The following TMEFF2 variants were observed in gnomAD, a reference collection of about 807,000 sequenced individuals.
TMEFF2 encodes the protein transmembrane protein with EGF like and two follistatin like domains 2.
TMEFF2 carries 28 observed loss-of-function variants against 53.8 expected under a neutral mutation model. The ratio of observed to expected loss-of-function variants is 0.52; its 90% confidence interval spans 0.39 to 0.71. The LOEUF (loss-of-function observed/expected upper bound fraction) is 0.71. Among genes scored for constraint, TMEFF2 ranks in the 30% least tolerant of loss-of-function variants. TMEFF2 has a pLI of 0.00. For missense variants in TMEFF2, 353 were observed against 455.2 expected, an observed-to-expected ratio of 0.78 and a Z score of 2.04; for synonymous variants, 162 against 166.3, an observed-to-expected ratio of 0.97 and a Z score of 0.20.
At chr2:192,102,003 A>G (rs1221127239) in intron 4 of TMEFF2, among the ~76,000 whole-genome samples, 1 of 152,216 alleles carries the variant, frequency 6.6e-6, no homozygotes, top group Non-Finnish European at 1.5e-5. Flanking sequence ...CATATAAAGC[A>G]TACAGCACAA....
chr2:191,981,084 T>A (rs944432078), intron 7 of TMEFF2, among the ~76,000 whole-genome samples: 4 of 152,010 alleles, frequency 2.6e-5, no homozygotes, highest in African/African-American at 7.2e-5. Flanking sequence ...TTTTTTTTTT[T>A]ATTTAATAAA....
chr2:192,104,361 G>C (rs1025592391), intron 4 of TMEFF2, among the ~76,000 whole-genome samples: 5 of 151,992 alleles, frequency 3.3e-5, no homozygotes, highest in South Asian at 2.1e-4. Flanking sequence ...TTTCCACTTA[G>C]GTTAGTTTTC....
chr2:191,949,872 T>A lies in TMEFF2; in HGVS notation c.*439A>T. 1 of 986,738 alleles carries A rather than the reference T, an allele frequency of 1.0e-6. No homozygotes were observed. Among genetic ancestry groups the A allele is most frequent in the Non-Finnish European group, 1.2e-6 (1 of 830,592 alleles). 61.1% of individuals were successfully genotyped at this position (986,738 alleles called of 1,614,324 possible). On this transcript the variant is annotated 3_prime_UTR_variant, in exon 10 of 10. Coordinates refer to ENST00000272771, the MANE Select transcript of TMEFF2 (RefSeq NM_016192.4). Reference sequence around the variant, plus strand: ...ACCATCATTTCCCTTGATCTTGGAATCATTCAAAACCTAGCCACTGAGTCC... The same window carrying A: ...ACCATCATTTCCCTTGATCTTGGAAACATTCAAAACCTAGCCACTGAGTCC...
At chr2:192,139,031 C>G (rs1574408334) in intron 4 of TMEFF2, among the ~76,000 whole-genome samples, 1 of 152,158 alleles carries the variant, frequency 6.6e-6, no homozygotes, top group East Asian at 1.9e-4. Context: ...CCAAGGAAAC[C>G]ATCATAGTTG....
intron 4 of TMEFF2, among the ~76,000 whole-genome samples, chr2:192,169,673 A>G (rs1358919206): frequency 2.0e-5 from 3 of 152,114 alleles, no homozygotes; most frequent in Non-Finnish European, 4.4e-5. Context: ...AATGCTATAG[A>G]TGAGAGATAC....
intron 4 of TMEFF2, among the ~76,000 whole-genome samples, chr2:192,119,055 T>C (rs1019670514): frequency 6.6e-6 from 1 of 152,192 alleles, no homozygotes; most frequent in Non-Finnish European, 1.5e-5. Context: ...TCTGCTTTTG[T>C]TTCTAGAAGT....
At chr2:192,122,144 G>A (rs1436562498) in intron 4 of TMEFF2, among the ~76,000 whole-genome samples, 3 of 152,016 alleles carry the variant, frequency 2.0e-5, no homozygotes, top group Admixed American at 6.6e-5. Context: ...ATATCAAGGT[G>A]TCATATGTGC....
intron 7 of TMEFF2, among the ~76,000 whole-genome samples, chr2:191,990,968 TATC>T (rs1176636608): frequency 1.3e-5 from 2 of 152,074 alleles, no homozygotes; most frequent in African/African-American, 4.8e-5. Context: ...AAGCATATGA[TATC>T]ATCATTCTGC....
At chr2:192,189,380 C>T (rs933965221) in intron 2 of TMEFF2, among the ~76,000 whole-genome samples, 1 of 151,008 alleles carries the variant, frequency 6.6e-6, no homozygotes, top group Non-Finnish European at 1.5e-5. Flanking sequence ...CGTGTGTCTA[C>T]TAAAATTCAA....
At chr2:192,178,688 T>C (rs564724829) in intron 4 of TMEFF2, 4 of 151,286 alleles carry the variant, frequency 2.6e-5, no homozygotes, top group Non-Finnish European at 5.9e-5. Flanking sequence ...AAGTGTTTCC[T>C]GAACTAGATA....
chr2:192,015,308 C>CTTTTTTTTTTTTTTTTTT (rs34696715), intron 5 of TMEFF2, among the ~76,000 whole-genome samples: 1 of 76,272 alleles, frequency 1.3e-5, no homozygotes, highest in Non-Finnish European at 2.3e-5. Context: ...ATCACTGAAG[C>CTTTTTTTTTTTTTTTTTT]TTTTTTTTTT....
intron 4 of TMEFF2, among the ~76,000 whole-genome samples, chr2:192,084,431 A>G (rs1205127076): frequency 1.3e-5 from 2 of 152,064 alleles, no homozygotes; most frequent in Admixed American, 1.3e-4. Context: ...TGTTGAACAT[A>G]ATAGTTAACC....
At chr2:192,069,940 CCT>C (rs1299259053) in intron 4 of TMEFF2, among the ~76,000 whole-genome samples, 2 of 86,452 alleles carry the variant, frequency 2.3e-5, no homozygotes, top group Non-Finnish European at 5.0e-5. Context: ...AATCAATTTC[CCT>C]GTTTTTTCTA....
intron 8 of TMEFF2, among the ~76,000 whole-genome samples, chr2:191,954,098 A>G (rs577894773): frequency 1.1e-4 from 17 of 152,112 alleles, no homozygotes; most frequent in Non-Finnish European, 1.5e-4. Flanking sequence ...CCTGTTAGCC[A>G]GGATGGTCTC....
intron 7 of TMEFF2, among the ~76,000 whole-genome samples, chr2:191,986,918 G>A (rs1344384903): frequency 6.6e-6 from 1 of 151,200 alleles, no homozygotes; most frequent in Non-Finnish European, 1.5e-5. Context: ...CTGAGCTGGT[G>A]ATCTTCATTC....
intron 7 of TMEFF2, among the ~76,000 whole-genome samples, chr2:191,971,370 G>T (rs1692634936): frequency 6.6e-6 from 1 of 152,190 alleles, no homozygotes; most frequent in South Asian, 2.1e-4. Context: ...CTTCTATCTT[G>T]TTCCTAGAAG....
chr2:192,066,846 TG>T (rs1688179010), intron 4 of TMEFF2, among the ~76,000 whole-genome samples: 1 of 152,018 alleles, frequency 6.6e-6, no homozygotes, highest in African/African-American at 2.4e-5. Flanking sequence ...ATATCAACTA[TG>T]GTATTATAAT....
intron 4 of TMEFF2, among the ~76,000 whole-genome samples, chr2:192,078,320 A>G (rs1392242411): frequency 6.6e-6 from 1 of 152,204 alleles, no homozygotes; most frequent in Non-Finnish European, 1.5e-5. Flanking sequence ...GACATATGTC[A>G]ATAAATGGTA....
chr2:191,950,684 A>G (rs1691849048), intron 9 of TMEFF2, among the ~76,000 whole-genome samples: 1 of 152,206 alleles, frequency 6.6e-6, no homozygotes, highest in Admixed American at 6.5e-5. Flanking sequence ...GGCACAAAGA[A>G]TGACTCAGCA....
Sources: gnomAD v4.1 joint callset for allele counts (sites outside exome capture counted in the v4.1 genomes callset) on GRCh38, gnomAD v4.1.1 for gene constraint, MANE v1.5 for transcripts, NCBI Gene and HGNC (gene_info 2026-07-23, HGNC 2026-07-21) for gene names.